Variants in APTX observed in about 807,000 individuals in gnomAD.
APTX encodes the protein aprataxin.
APTX carries 33 observed loss-of-function variants against 42.3 expected under a neutral mutation model. The ratio of observed to expected loss-of-function variants is 0.78; its 90% CI spans 0.59 to 1.04. APTX has a LOEUF of 1.04. Among genes scored for constraint, APTX ranks in the 50% least tolerant of loss-of-function variants. The pLI is 0.00. For missense variants in APTX, 421 were observed against 415.1 expected, an observed-to-expected ratio of 1.01 and a Z score of -0.12; for synonymous variants, 130 against 146.7, an observed-to-expected ratio of 0.89 and a Z score of 0.82.
chr9:32,978,053 T>C (rs1465254148), intron 6 of APTX, among the ~76,000 whole-genome samples: 1 of 152,192 alleles, frequency 6.6e-6, no homozygotes, highest in Non-Finnish European at 1.5e-5. Flanking sequence ...ATAACAAATT[T>C]ATTTAATCCA....
At chr9:32,979,986 A>G (rs10971263) in intron 6 of APTX, 11,542 of 160,530 alleles carry the variant, frequency 0.072, 564 homozygotes, top group Non-Finnish European at 0.11. Flanking sequence ...GCACCTCGCA[A>G]CACTTTAACC....
At chr9:32,993,608 C>T (rs554383524) in intron 1 of APTX, among the ~76,000 whole-genome samples, 66 of 152,272 alleles carry the variant, frequency 4.3e-4, no homozygotes, top group African/African-American at 1.5e-3. Context: ...TCTCTCCCTT[C>T]CTTCTATGGC....
intron 1 of APTX, chr9:33,019,779 A>T (rs1838219442): frequency 1.7e-6 from 1 of 601,900 alleles, no homozygotes; most frequent in Admixed American, 3.3e-5. Context: ...TTGATAAGGG[A>T]AATTCGGAGC....
At chr9:33,024,341 G>A (rs1000411612) in intron 1 of APTX, among the ~76,000 whole-genome samples, 15 of 152,158 alleles carry the variant, frequency 9.9e-5, no homozygotes, top group Non-Finnish European at 2.9e-5. Flanking sequence ...GCTAGATACT[G>A]ACATACCTGC....
Position 32,987,782 on chromosome 9 carries a change from T to C in APTX, c.245A>G (p.Gln82Arg). The C allele has an allele frequency of 1.2e-6, 2 of 1,614,176 alleles. No homozygotes were observed. Among genetic ancestry groups the C allele is most frequent in the African/African-American group, 2.7e-5 (2 of 75,050 alleles). ...CACCATGTGGAGAACCTGGCCAGGC[T>C]GCAGCTTCACCTCTTGGTCCTTCCC... is the stretch of plus-strand genomic sequence containing the variant. ...VIGKDQEVKLQPGQVLHMVNE... is the reference protein window; with the variant it reads ...VIGKDQEVKLRPGQVLHMVNE... Residue 82 changes from glutamine (Q) to arginine (R), a missense_variant, in exon 4 of 8, where the codon CAG (glutamine) becomes CGG (arginine). Physicochemically the swap from Gln to Arg is conservative, Grantham distance 43. Coordinates refer to ENST00000379817, the MANE Select transcript of APTX (RefSeq NM_001195248.2).
At chr9:33,009,816 G>A (rs1045015073) in intron 1 of APTX, among the ~76,000 whole-genome samples, 1 of 150,398 alleles carries the variant, frequency 6.6e-6, no homozygotes, top group Non-Finnish European at 1.5e-5. Context: ...GAAAAGAAAA[G>A]GGAAAAAAAA....
intron 4 of APTX, 124 bp from the exon 5 acceptor site, chr9:32,986,154 G>T: frequency 2.1e-6 from 2 of 931,574 alleles, no homozygotes; most frequent in Non-Finnish European, 1.7e-6. Context: ...TTGGAAATAA[G>T]CTTAGTTTTT....
In APTX at chr9:33,001,569, C is replaced by T. The variant is rs1411968629; in HGVS notation, c.-7G>A. The T allele has an allele frequency of 6.8e-6, 11 of 1,613,838 alleles. No homozygotes were observed. The highest frequency in any genetic ancestry group is 9.3e-6 in the Non-Finnish European group (11 of 1,180,042). On this transcript the variant is annotated splice_region_variant and 5_prime_UTR_variant, in exon 1 of 8. The change creates a premature stop within an existing upstream ORF in the 5' untranslated region. Transcript: ENST00000379817. ...AGATAGGCTGACGACCGCCTTACCT[C>T]CAGAAGTCGGAGACGGACAAATTCA...
intron 1 of APTX, among the ~76,000 whole-genome samples, chr9:32,994,228 T>C (rs1162233994): frequency 6.6e-6 from 1 of 152,260 alleles, no homozygotes; most frequent in Non-Finnish European, 1.5e-5. Flanking sequence ...CAATCGAGCA[T>C]CTAAAATGTA....
At chr9:32,995,852 C>T (rs969450122) in intron 1 of APTX, among the ~76,000 whole-genome samples, 8 of 149,702 alleles carry the variant, frequency 5.3e-5, no homozygotes, top group Admixed American at 1.3e-4. Flanking sequence ...CGCGCCACTG[C>T]ACTCCAGCCT....
chr9:32,990,918 C>T (rs148205080), intron 1 of APTX, among the ~76,000 whole-genome samples: 2 of 152,018 alleles, frequency 1.3e-5, no homozygotes, highest in African/African-American at 4.8e-5. Flanking sequence ...TGCAAATCTA[C>T]AATTTCTTTA....
chr9:32,981,819 G>A (rs1563956177), intron 6 of APTX, among the ~76,000 whole-genome samples: 1 of 152,042 alleles, frequency 6.6e-6, no homozygotes, highest in Non-Finnish European at 1.5e-5. Flanking sequence ...CTTTCACACA[G>A]AATAATTTCA....
At chr9:33,000,625 C>CAAAAAAAAAAAAAAAAAA (rs60760701) in intron 1 of APTX, among the ~76,000 whole-genome samples, 2 of 63,448 alleles carry the variant, frequency 3.2e-5, no homozygotes, top group African/African-American at 1.2e-4. Flanking sequence ...GACTCTGTCT[C>CAAAAAAAAAAAAAAAAAA]AAAAAAAAAA....
At chr9:32,985,210 C>T (rs1185419866) in intron 5 of APTX, among the ~76,000 whole-genome samples, 3 of 152,192 alleles carry the variant, frequency 2.0e-5, no homozygotes, top group Non-Finnish European at 4.4e-5. Flanking sequence ...TCCACTCCAA[C>T]ATGGCAGACT....
At chr9:33,005,461 G>C (rs762422519), upstream of APTX, among the ~76,000 whole-genome samples, 3 of 151,912 alleles carry the variant, frequency 2.0e-5, no homozygotes, top group Non-Finnish European at 4.4e-5. Context: ...TTGTGAGACA[G>C]AGTCTTGCTC....
chr9:33,022,289 G>A (rs1838449247), intron 1 of APTX, among the ~76,000 whole-genome samples: 1 of 152,110 alleles, frequency 6.6e-6, no homozygotes. Context: ...ATGAACAGTT[G>A]ACAGGAGAGT....
chr9:32,993,365 G>A (rs1430845782), intron 1 of APTX, among the ~76,000 whole-genome samples: 2 of 152,174 alleles, frequency 1.3e-5, no homozygotes, highest in African/African-American at 2.4e-5. Context: ...TATGGCAAGT[G>A]CAGAAGGATG....
intron 4 of APTX, among the ~76,000 whole-genome samples, 175 bp downstream of exon 4, chr9:32,987,369 A>C (rs943366535): frequency 7.2e-5 from 11 of 152,254 alleles, no homozygotes; most frequent in African/African-American, 2.7e-4. Context: ...GAATTTAAGA[A>C]AAAAGCACAT....
chr9:33,020,329 C>T (rs1187743601), intron 1 of APTX, among the ~76,000 whole-genome samples: 1 of 152,216 alleles, frequency 6.6e-6, no homozygotes, highest in Non-Finnish European at 1.5e-5. Flanking sequence ...AGCTGGAAGT[C>T]ATTCCTCCTC....
Sources: gnomAD v4.1 joint callset for allele counts (sites outside exome capture counted in the v4.1 genomes callset) on GRCh38, gnomAD v4.1.1 for gene constraint, MANE v1.5 for transcripts, NCBI Gene and HGNC (gene_info 2026-07-23, HGNC 2026-07-21) for gene names.